IGSF9B: variants seen among roughly 807,000 people sequenced by gnomAD.
The protein encoded by IGSF9B is protein turtle homolog B.
Under a neutral mutation model 143.7 loss-of-function variants are expected in IGSF9B, and 48 were observed. The observed-to-expected ratio is 0.33, with a 90% CI of 0.26 to 0.42. IGSF9B has a LOEUF of 0.42. Among genes scored for constraint, IGSF9B ranks in the 20% least tolerant of loss-of-function variants. The pLI is 1.00. For missense variants in IGSF9B, 1,706 were observed against 1,980.0 expected, an observed-to-expected ratio of 0.86 and a Z score of 2.63; for synonymous variants, 903 against 833.1, an observed-to-expected ratio of 1.08 and a Z score of -1.44.
In IGSF9B at chr11:133,948,584, G is replaced by A. The variant is rs928683061; in HGVS notation, c.65-2326C>T. ...GCGGATGCTGGACCAAGAGGAATGG[G>A]TGAATAATGGGTGCCATGAGTTTGC... On this transcript the variant is annotated intron_variant, in intron 1 of 19. Coordinates refer to ENST00000533871, the MANE Select transcript of IGSF9B (RefSeq NM_001277285.4). The surrounding 1 kb of genome is among the most constrained non-coding windows in gnomAD (Gnocchi z 4.7). 2.6e-5 allele frequency among the ~76,000 whole-genome samples: 4 copies of A among 151,520 alleles called. No homozygotes were observed. The highest frequency in any genetic ancestry group is 6.6e-5 in the Admixed American group (1 of 15,236).
At position 133,908,826 on chromosome 11, in the gene IGSF9B, G is replaced by C. The variant is rs373246926; in HGVS notation, c.*243C>G. On this transcript the variant is annotated 3_prime_UTR_variant, in exon 20 of 20. Coordinates refer to ENST00000533871, the MANE Select transcript of IGSF9B (RefSeq NM_001277285.4). ...GCAGGGGGCGGAGGGGAGGAGACAG[G>C]TGTTGCCCAGTCTCCAATCCACTTC... 2.8e-5 allele frequency: 14 copies of C among 497,730 alleles called. No individual in the cohort carries two copies. Among genetic ancestry groups the C allele is most frequent in the Non-Finnish European group, 4.7e-5 (13 of 278,982 alleles). 30.8% of individuals were successfully genotyped at this position (497,730 alleles called of 1,614,324 possible).
In IGSF9B at chr11:133,953,648, T is replaced by A. The variant is rs1000950145; in HGVS notation, c.64+3043A>T. 4.6e-5 allele frequency among the ~76,000 whole-genome samples: 7 copies of A among 152,282 alleles called. No homozygotes were observed. Among genetic ancestry groups the A allele is most frequent in the African/African-American group, 1.7e-4 (7 of 41,558 alleles). On this transcript the variant is annotated intron_variant, in intron 1 of 19. Coordinates refer to ENST00000533871, the MANE Select transcript of IGSF9B (RefSeq NM_001277285.4). This position sits in a 1 kb window ranked among gnomAD's most constrained non-coding sequence, Gnocchi z 4.2. The stretch of plus-strand genomic sequence containing the variant: ...CTCACTGTATTTGGGGACACTGTAG[T>A]CAGGGATAATGTAACGACAGAATCT...
Position 133,953,210 on chromosome 11 carries a change from C to T in IGSF9B, c.64+3481G>A, listed in dbSNP as rs572831973. On this transcript the variant is annotated intron_variant, in intron 1 of 19. Transcript: ENST00000533871. The surrounding 1 kb of genome is among the most constrained non-coding windows in gnomAD (Gnocchi z 4.2). ...TCCTCTGTAACCAGATTCCAGCCTTCTGTCTCAGAGCCATAAACACGAAAC... is the reference window on the plus strand; with the variant it reads ...TCCTCTGTAACCAGATTCCAGCCTTTTGTCTCAGAGCCATAAACACGAAAC... Among the ~76,000 whole-genome samples the T allele has an allele frequency of 1.2e-4, 19 of 152,320 alleles. 1 individual carries two copies. Among genetic ancestry groups the T allele is most frequent in the Middle Eastern group, 3.4e-3 (1 of 292 alleles).
intron 1 of IGSF9B, among the ~76,000 whole-genome samples, chr11:133,950,765 G>A (rs979627010): frequency 2.0e-5 from 3 of 152,184 alleles, no homozygotes; most frequent in Admixed American, 1.3e-4. Context: ...CCTTCTGCCT[G>A]AGACTCTGAG....
chr11:133,936,488 T>C (rs1162516183), intron 5 of IGSF9B, among the ~76,000 whole-genome samples: 1 of 152,112 alleles, frequency 6.6e-6, no homozygotes, highest in Non-Finnish European at 1.5e-5. Context: ...TTTTCAAATC[T>C]AGAGCGAGGA....
chr11:133,919,953 G>A lies in IGSF9B; in HGVS notation c.3772C>T (p.Pro1258Ser), dbSNP rs1939483651. Reference protein sequence around the residue: ...SRKSTPSTGSPSQSSRSGSPS... With the variant: ...SRKSTPSTGSSSQSSRSGSPS... The stretch of plus-strand genomic sequence containing the variant: ...CTCCCACTGCGGCTGCTCTGGGAGG[G>A]GGAGCCTGTGGACGGCGTAGACTTT... The change falls in exon 18 of 20, where the codon CCC (proline) becomes TCC (serine). Residue 1258 changes from proline (P) to serine (S), a missense_variant. Coordinates refer to ENST00000533871, the MANE Select transcript of IGSF9B (RefSeq NM_001277285.4). 1.3e-6 allele frequency: 2 copies of A among 1,560,992 alleles called. No individual in the cohort carries two copies. The highest frequency in any genetic ancestry group is 1.2e-5 in the South Asian group (1 of 84,514).
chr11:133,940,360 C>CAA (rs1491367603), intron 3 of IGSF9B, among the ~76,000 whole-genome samples: 3 of 102,974 alleles, frequency 2.9e-5, no homozygotes, highest in Admixed American at 1.1e-4. Flanking sequence ...TCATCGCACG[C>CAA]ACACACACCT....
chr11:133,931,710 G>A lies in IGSF9B; in HGVS notation c.1196C>T (p.Pro399Leu). 1 of 1,612,206 alleles carries A rather than the reference G, an allele frequency of 6.2e-7. No individual in the cohort carries two copies. Among genetic ancestry groups the A allele is most frequent in the Non-Finnish European group, 8.5e-7 (1 of 1,179,406 alleles). ...EEALGTYTCV[P>L]YNTLGTMGQS... is the part of the protein sequence containing the mutation. ...GCCCATGGTCCCCAGAGTGTTGTAAGGCACACAGGTATAAGTGCCAAGAGC... is the reference window on the plus strand; with the variant it reads ...GCCCATGGTCCCCAGAGTGTTGTAAAGCACACAGGTATAAGTGCCAAGAGC... Residue 399 changes from proline (P) to leucine (L), a missense_variant, in exon 9 of 20, where the codon CCT becomes CTT. This residue lies in a region of IGSF9B where 238 missense variants were observed against 452.6 expected (regional missense o/e 0.53). Transcript: ENST00000533871. The surrounding 1 kb of genome is among the most constrained non-coding windows in gnomAD (Gnocchi z 7.7).
rs1396774899 is a variant in IGSF9B at position 133,897,919 on chromosome 11, A to G, written c.*11150T>C. On this transcript the variant is annotated 3_prime_UTR_variant, in exon 20 of 20. Transcript: ENST00000533871. ...CTCACTTTAACCAGTCCATACATAC[A>G]TACAGAAAAGAAAGAGAGAGAGAGG... 1.3e-5 allele frequency: 2 copies of G among 152,078 alleles called. No homozygotes were observed. Among genetic ancestry groups the G allele is most frequent in the Non-Finnish European group, 2.9e-5 (2 of 68,044 alleles). 9.4% of individuals were successfully genotyped at this position (152,078 alleles called of 1,614,324 possible). A position where few individuals can be genotyped will look rare whatever the true frequency, so the allele number is the denominator to read the frequency against.
chr11:133,952,267 A>G (rs1241338030), intron 1 of IGSF9B: 2 of 339,340 alleles, frequency 5.9e-6, no homozygotes, highest in South Asian at 2.3e-5. Context: ...TAAGCTGCCT[A>G]TCCAACCCCA....
chr11:133,955,796 G>T (rs1219252118), intron 1 of IGSF9B, among the ~76,000 whole-genome samples: 1 of 152,210 alleles, frequency 6.6e-6, no homozygotes, highest in Non-Finnish European at 1.5e-5. Flanking sequence ...CAACTCGGTG[G>T]CTCCCCCCTT....
intron 1 of IGSF9B, 44 bp from the exon 2 acceptor site, chr11:133,946,302 G>C: frequency 1.3e-6 from 2 of 1,553,202 alleles, no homozygotes; most frequent in Non-Finnish European, 1.8e-6. Context: ...AGGTGACAAA[G>C]AGATCCTGCC....
chr11:133,915,337 C>T (rs1233754400), intron 18 of IGSF9B, among the ~76,000 whole-genome samples: 3 of 140,112 alleles, frequency 2.1e-5, no homozygotes, highest in South Asian at 2.3e-4. Flanking sequence ...GGCGCAATCT[C>T]GGCTCACTGC....
At position 133,925,042 on chromosome 11, in the gene IGSF9B, A is replaced by C. The variant is rs1939600067; in HGVS notation, c.2035-138T>G. ...GAGGACTGCTAAGTGTCTAATGCTA[A>C]GCGATGGTAGCACTGGCCAATTGCT... On this transcript the variant is annotated intron_variant, in intron 14 of 19. Transcript: ENST00000533871. The C allele has an allele frequency of 7.2e-6, 5 of 693,820 alleles. No individual in the cohort carries two copies. In the South Asian group the frequency reaches 8.8e-5, roughly 12 times the overall value. The allele number at this position is 693,820 out of a possible 1,614,324, so 43.0% of individuals were successfully genotyped here.
intron 18 of IGSF9B, among the ~76,000 whole-genome samples, chr11:133,918,343 G>A (rs1274841513): frequency 6.6e-6 from 1 of 151,938 alleles, no homozygotes; most frequent in East Asian, 1.9e-4. Context: ...AACACCGGCC[G>A]GGGGGCACCG....
In IGSF9B at chr11:133,930,973, C is replaced by T. The variant is rs759518945; in HGVS notation, c.1519+11G>A. The stretch of plus-strand genomic sequence containing the variant: ...TCCCCGCCGCCCGGCCCAGCCTTGC[C>T]GGCCACGTACCGATGACGGTGAGGT... On this transcript the variant is annotated intron_variant, in intron 11 of 19. Coordinates refer to ENST00000533871, the MANE Select transcript of IGSF9B (RefSeq NM_001277285.4). 5.6e-6 allele frequency: 9 copies of T among 1,602,732 alleles called. No individual in the cohort carries two copies. In the African/African-American group the frequency reaches 6.7e-5, roughly 12 times the overall value.
chr11:133,926,576 C>T (rs1426151411), intron 13 of IGSF9B, among the ~76,000 whole-genome samples: 5 of 152,366 alleles, frequency 3.3e-5, no homozygotes, highest in South Asian at 2.1e-4. Flanking sequence ...CGCCCAGTGA[C>T]GCTGGGGCCA....
intron 4 of IGSF9B, 43 bp downstream of exon 4, chr11:133,937,767 G>A (rs377158117): frequency 5.6e-5 from 89 of 1,590,552 alleles, no homozygotes; most frequent in East Asian, 3.4e-4. Context: ...CTGGGGAAAC[G>A]GGGGAAGAGA....
intron 13 of IGSF9B, 79 bp downstream of exon 13, chr11:133,926,837 C>T (rs329666): frequency 8.8e-6 from 11 of 1,253,108 alleles, no homozygotes; most frequent in Non-Finnish European, 1.2e-5. Context: ...CACAGGAGGC[C>T]GACTGCTATA....
Sources: gnomAD v4.1 joint callset for allele counts (sites outside exome capture counted in the v4.1 genomes callset) on GRCh38, gnomAD v4.1.1 for gene constraint, gnomAD v4.1.1 regional missense constraint, Gnocchi (gnomAD v3.1) non-coding constraint, MANE v1.5 for transcripts, NCBI Gene and HGNC (gene_info 2026-07-23, HGNC 2026-07-21) for gene names.